BAZ2B: variants seen among roughly 807,000 people sequenced by gnomAD.
BAZ2B encodes bromodomain adjacent to zinc finger domain protein 2B.
BAZ2B carries 91 observed loss-of-function variants against 246.0 expected under a neutral mutation model. That is an observed-to-expected ratio of 0.37 (90% CI 0.31 to 0.44). BAZ2B has a LOEUF of 0.44. BAZ2B is among the 20% of genes least tolerant of loss of function. BAZ2B has a pLI of 1.00. For missense variants in BAZ2B, 2,332 were observed against 2,533.7 expected (o/e 0.92, Z 1.71); for synonymous variants, 855 against 860.0 (o/e 0.99, Z 0.10).
the BAZ2B span, among the ~76,000 whole-genome samples, chr2:159,661,910 C>T: frequency 6.6e-6 from 1 of 152,036 alleles, no homozygotes; most frequent in Non-Finnish European, 1.5e-5. Context: ...CATGCCTGGC[C>T]AACAATCTTA....
chr2:159,520,667 C>CA (rs2084031971), intron 2 of BAZ2B, among the ~76,000 whole-genome samples: 2 of 152,216 alleles, frequency 1.3e-5, no homozygotes, highest in South Asian at 4.1e-4. Flanking sequence ...AACCAGAAGG[C>CA]AAATTTTTAC....
At chr2:159,481,037 T>A (rs899450483) in intron 2 of BAZ2B, among the ~76,000 whole-genome samples, 1 of 149,790 alleles carries the variant, frequency 6.7e-6, no homozygotes, top group African/African-American at 2.5e-5. Context: ...TTGGGTCAAC[T>A]ACTGCAAGTT....
chr2:159,483,179 TA>T (rs2079433383), intron 2 of BAZ2B, among the ~76,000 whole-genome samples: 1 of 152,092 alleles, frequency 6.6e-6, no homozygotes, highest in African/African-American at 2.4e-5. Flanking sequence ...TTCAAGAGAT[TA>T]TAGTTTCTAA....
At chr2:159,339,007 T>C (rs2148993988) in intron 31 of BAZ2B, among the ~76,000 whole-genome samples, 1 of 152,200 alleles carries the variant, frequency 6.6e-6, no homozygotes, top group African/African-American at 2.4e-5. Context: ...CTGCCTGAGA[T>C]GCAATAGGTA....
In BAZ2B at chr2:159,424,802, T is replaced by G. The variant is rs538114119; in HGVS notation, c.2466+3139A>C. ...ATACTTTAAATCATCACCAGATTAC[T>G]TATAATAGTAAACACAATGTAAATG... On this transcript the variant is annotated intron_variant, in intron 13 of 36. Coordinates refer to ENST00000392783, the MANE Select transcript of BAZ2B (RefSeq NM_013450.4). Among the ~76,000 whole-genome samples, 3 of 152,330 alleles carry G rather than the reference T, an allele frequency of 2.0e-5. No individual in the cohort carries two copies. The South Asian group carries it at 6.2e-4, about 32-fold the overall frequency.
At chr2:159,358,601 A>C (rs1323222753) in intron 27 of BAZ2B, among the ~76,000 whole-genome samples, 1 of 152,232 alleles carries the variant, frequency 6.6e-6, no homozygotes, top group Non-Finnish European at 1.5e-5. Flanking sequence ...TCAGCTCTGG[A>C]CCAAGAGGAC....
chr2:159,664,045 G>A, the BAZ2B span, among the ~76,000 whole-genome samples: 5 of 59,832 alleles, frequency 8.4e-5, no homozygotes, highest in African/African-American at 3.2e-4. Flanking sequence ...CCCCACCACA[G>A]TCCCCAGAGT....
At chr2:159,458,913 T>C (rs1208279838) in intron 3 of BAZ2B, 1 of 152,204 alleles carries the variant, frequency 6.6e-6, no homozygotes, top group Admixed American at 6.5e-5. Flanking sequence ...AAAAACTGCA[T>C]CTTATTTAGC....
the BAZ2B span, among the ~76,000 whole-genome samples, chr2:159,691,755 A>G: frequency 0.063 from 9,573 of 152,350 alleles, 398 homozygotes; most frequent in Middle Eastern, 0.14. Context: ...GATAAAGAAT[A>G]CATGAGAATT....
intron 1 of BAZ2B, among the ~76,000 whole-genome samples, chr2:159,610,626 T>C (rs1178805302): frequency 6.6e-6 from 1 of 152,132 alleles, no homozygotes; most frequent in Admixed American, 6.6e-5. Flanking sequence ...ACAAAATTAG[T>C]AAAGGTTCTT....
chr2:159,391,338 G>C (rs899184481), intron 20 of BAZ2B, among the ~76,000 whole-genome samples: 6 of 151,978 alleles, frequency 3.9e-5, no homozygotes, highest in African/African-American at 1.5e-4. Context: ...CTAAGGTTTG[G>C]GCATGTCACT....
intron 1 of BAZ2B, among the ~76,000 whole-genome samples, chr2:159,581,920 C>T (rs868809996): frequency 2.9e-5 from 3 of 104,436 alleles, no homozygotes; most frequent in African/African-American, 3.9e-5. Flanking sequence ...TAGGGCCTGT[C>T]GGGTGGGGGG....
chr2:159,660,973 C>A, the BAZ2B span, among the ~76,000 whole-genome samples: 1 of 152,148 alleles, frequency 6.6e-6, no homozygotes, highest in Non-Finnish European at 1.5e-5. Context: ...GTACAGTCTA[C>A]AATTTGATAA....
chr2:159,475,047 T>C (rs2078337389), intron 3 of BAZ2B, among the ~76,000 whole-genome samples: 1 of 152,166 alleles, frequency 6.6e-6, no homozygotes, highest in Admixed American at 6.5e-5. Context: ...GGGTTGCTTT[T>C]CTTGAAGAGT....
intron 2 of BAZ2B, among the ~76,000 whole-genome samples, chr2:159,535,965 A>T (rs1249440232): frequency 6.6e-6 from 1 of 152,218 alleles, no homozygotes; most frequent in African/African-American, 2.4e-5. Context: ...CTCATACATT[A>T]ATGCTTTATT....
intron 1 of BAZ2B, among the ~76,000 whole-genome samples, chr2:159,576,440 C>T (rs1209955968): frequency 1.3e-5 from 2 of 150,606 alleles, no homozygotes; most frequent in African/African-American, 2.4e-5. Flanking sequence ...TAAAGCTGAC[C>T]AATACATGAA....
intron 33 of BAZ2B, among the ~76,000 whole-genome samples, chr2:159,333,248 A>G (rs1157881231): frequency 1.3e-5 from 2 of 152,226 alleles, no homozygotes; most frequent in Non-Finnish European, 2.9e-5. Flanking sequence ...GGAAACGTTG[A>G]AAATCAACCC....
At chr2:159,453,101 G>GAAAAC (rs1340563840) in intron 4 of BAZ2B, among the ~76,000 whole-genome samples, 1 of 151,764 alleles carries the variant, frequency 6.6e-6, no homozygotes, top group African/African-American at 2.4e-5. Context: ...TTTCGTTTCA[G>GAAAAC]AAAACAAAAC....
chr2:159,450,997 T>C (rs996876542), intron 4 of BAZ2B, among the ~76,000 whole-genome samples: 1 of 152,114 alleles, frequency 6.6e-6, no homozygotes, highest in African/African-American at 2.4e-5. Context: ...GCTAGGATTA[T>C]AGGCACGAGG....
Sources: allele counts gnomAD v4.1 joint callset (sites outside exome capture counted in the v4.1 genomes callset), GRCh38; gene constraint gnomAD v4.1.1; transcripts MANE v1.5; gene names NCBI Gene and HGNC (gene_info 2026-07-23, HGNC 2026-07-21).